GSTCD: variants seen among roughly 807,000 people sequenced by gnomAD.
The protein encoded by GSTCD is glutathione S-transferase C-terminal domain-containing protein.
Under a neutral mutation model 68.3 loss-of-function variants are expected in GSTCD, and 44 were observed. The ratio of observed to expected loss-of-function variants is 0.64; its 90% confidence interval spans 0.51 to 0.83. GSTCD has a LOEUF of 0.83. Among genes scored for constraint, GSTCD ranks in the 40% least tolerant of loss-of-function variants. The probability of loss-of-function intolerance (pLI) is 0.00; values close to 1 mark genes in which losing one functional copy is unlikely to be tolerated. For synonymous variants in GSTCD, 273 were observed against 255.2 expected, an observed-to-expected ratio of 1.07 and a Z score of -0.67; for missense variants, 739 against 735.9, an observed-to-expected ratio of 1.00 and a Z score of -0.05.
chr4:105,763,331 T>C (rs1260329992), intron 5 of GSTCD, among the ~76,000 whole-genome samples: 1 of 152,230 alleles, frequency 6.6e-6, no homozygotes, highest in Non-Finnish European at 1.5e-5. Flanking sequence ...CCTTTATATA[T>C]GTCTGTCTTT....
At chr4:105,722,768 T>A (rs1254034600) in intron 3 of GSTCD, among the ~76,000 whole-genome samples, 1 of 151,872 alleles carries the variant, frequency 6.6e-6, no homozygotes, top group African/African-American at 2.4e-5. Flanking sequence ...TAAAAATAGA[T>A]CATCTTTTTT....
chr4:105,834,484 G>A lies in GSTCD; in HGVS notation c.1554G>A (p.Val518=), dbSNP rs373693953. 108 of 1,614,064 alleles carry A rather than the reference G, an allele frequency of 6.7e-5. No individual in the cohort carries two copies. Among genetic ancestry groups the A allele is most frequent in the Middle Eastern group, 1.6e-4 (1 of 6,062 alleles). The change falls in exon 9 of 12, where the codon GTG becomes GTA. Residue 518 remains valine (V), a synonymous_variant. Coordinates refer to ENST00000515279, the MANE Select transcript of GSTCD (RefSeq NM_001370181.1). ...NIGVALHACG[V]ATDMVIEHCI... is the part of the protein sequence containing the mutation. ...AGGTAGCATTGCATGCTTGTGGAGT[G>A]GCAACAGACATGGTGATTGAGCACT...
At chr4:105,808,520 A>C (rs1722618939) in intron 5 of GSTCD, among the ~76,000 whole-genome samples, 1 of 152,116 alleles carries the variant, frequency 6.6e-6, no homozygotes, top group Non-Finnish European at 1.5e-5. Context: ...TTCCTATTTA[A>C]GTCAAATAAT....
chr4:105,823,324 T>C (rs375174328), intron 7 of GSTCD, 49 bp downstream of exon 7: 1 of 1,579,602 alleles, frequency 6.3e-7, no homozygotes, highest in African/African-American at 1.3e-5. Flanking sequence ...ATTATACAGT[T>C]CAGCTAGCCA....
Position 105,790,418 on chromosome 4 carries a change from C to T in GSTCD, c.1241-32536C>T, listed in dbSNP as rs933098778. Among the ~76,000 whole-genome samples, 16 of 152,084 alleles carry T rather than the reference C, an allele frequency of 1.1e-4. No homozygotes were observed. The South Asian group carries it at 2.7e-3, about 26-fold the overall frequency. ...TTATGCCTGTATTCCCAGGGAGGATCGCTTGAGGCCAGGAGTTCAAGACCA... is the reference window on the plus strand; with the variant it reads ...TTATGCCTGTATTCCCAGGGAGGATTGCTTGAGGCCAGGAGTTCAAGACCA... On this transcript the variant is annotated intron_variant, in intron 5 of 11. Transcript: ENST00000515279.
chr4:105,764,371 G>A (rs115309563), intron 5 of GSTCD, among the ~76,000 whole-genome samples: 1,985 of 152,194 alleles, frequency 0.013, 39 homozygotes, highest in African/African-American at 0.043. Context: ...GAATTTGTTC[G>A]TTTATGAGTG....
At chr4:105,718,309 G>A (rs182694146) in intron 2 of GSTCD, among the ~76,000 whole-genome samples, 18 of 152,248 alleles carry the variant, frequency 1.2e-4, no homozygotes, top group African/African-American at 3.6e-4. Context: ...AAATGGCTTG[G>A]TGCTCTCACT....
intron 1 of GSTCD, among the ~76,000 whole-genome samples, chr4:105,709,760 A>G (rs767239041): frequency 1.3e-5 from 2 of 152,118 alleles, no homozygotes. Context: ...GTGCTACATT[A>G]TTGATAAAGA....
At chr4:105,813,356 T>A (rs1722830071) in intron 5 of GSTCD, among the ~76,000 whole-genome samples, 1 of 152,206 alleles carries the variant, frequency 6.6e-6, no homozygotes, top group African/African-American at 2.4e-5. Context: ...TGGAACTTTT[T>A]GAGTGCAGAC....
chr4:105,786,490 G>C (rs1735471795), intron 5 of GSTCD, among the ~76,000 whole-genome samples: 1 of 150,794 alleles, frequency 6.6e-6, no homozygotes, highest in Admixed American at 6.6e-5. Flanking sequence ...ACTCTGCCCT[G>C]GGCAACAGAG....
rs768294293 is a variant in GSTCD, at chr4:105,717,800, C to T, written c.187C>T (p.Leu63=). 10 of 1,613,928 alleles carry T rather than the reference C, an allele frequency of 6.2e-6. No individual in the cohort carries two copies. The highest frequency in any genetic ancestry group is 6.8e-6 in the Non-Finnish European group (8 of 1,179,866). ...AGAGGTGAGTAGAGATAGTTCACTA[C>T]TAAGAGATGACCTGATCCAGGATGT... ...TKEVSRDSSL[L]RDDLIQDVEI... is the part of the protein sequence containing the mutation. Residue 63 remains leucine, a synonymous_variant, in exon 2 of 12, where the codon CTA becomes TTA. Transcript: ENST00000515279.
rs969796285 is a variant in GSTCD, at chr4:105,749,267, G to A, written c.1240+19768G>A. On this transcript the variant is annotated intron_variant, in intron 5 of 11. Transcript: ENST00000515279. ...TTTAAAAGGTTTTTAAAAATTTCAC[G>A]TGAAGTAACACATAAAATAATTTAA... Among the ~76,000 whole-genome samples the A allele has an allele frequency of 5.3e-5, 8 of 151,694 alleles. No homozygotes were observed. The East Asian group carries it at 9.7e-4, about 18-fold the overall frequency.
chr4:105,752,488 C>T (rs1734040583), intron 5 of GSTCD, among the ~76,000 whole-genome samples: 1 of 151,870 alleles, frequency 6.6e-6, no homozygotes, highest in African/African-American at 2.4e-5. Flanking sequence ...AAACAAAATG[C>T]AATTATTTGA....
chr4:105,825,649 A>G (rs766464556), intron 7 of GSTCD, 23 bp from the exon 8 acceptor site: 31 of 1,325,380 alleles, frequency 2.3e-5, no homozygotes, highest in South Asian at 1.4e-4. Context: ...TAAATATACT[A>G]TTGTTTTCTG....
intron 3 of GSTCD, among the ~76,000 whole-genome samples, chr4:105,725,512 T>C (rs1015616486): frequency 8.5e-5 from 13 of 152,130 alleles, no homozygotes; most frequent in African/African-American, 2.9e-4. Context: ...TTGTCAGTGT[T>C]TTGGGTTTTT....
Position 105,787,775 on chromosome 4 carries a change from C to G in GSTCD, c.1241-35179C>G, listed in dbSNP as rs1280728071. On this transcript the variant is annotated intron_variant, in intron 5 of 11. Coordinates refer to ENST00000515279, the MANE Select transcript of GSTCD (RefSeq NM_001370181.1). Reference sequence around the variant, plus strand: ...AATAGAAATGTTTGAAAGCTTTTTTCCCCCCTTGGGAGCTAGATTTATACT... The same window carrying G: ...AATAGAAATGTTTGAAAGCTTTTTTGCCCCCTTGGGAGCTAGATTTATACT... Among the ~76,000 whole-genome samples the G allele has an allele frequency of 3.3e-5, 5 of 151,984 alleles. No individual in the cohort carries two copies. The East Asian group carries it at 9.6e-4, about 29-fold the overall frequency.
At chr4:105,845,335 C>A in intron 11 of GSTCD, 106 bp from the exon 12 acceptor site, 1 of 1,167,908 alleles carries the variant, frequency 8.6e-7, no homozygotes, top group Non-Finnish European at 1.2e-6. Context: ...ACAAAGCATG[C>A]TCCATAGTAC....
rs761574598 is a variant in GSTCD, at chr4:105,710,232, A to ATTTTTTTTTTT, written c.-22+1229_-22+1239dup. 4.0e-4 allele frequency among the ~76,000 whole-genome samples: 34 copies of ATTTTTTTTTTT among 85,686 alleles called. 3 individuals are homozygous for ATTTTTTTTTTT. Among genetic ancestry groups the ATTTTTTTTTTT allele is most frequent in the African/African-American group, 1.1e-3 (19 of 17,844 alleles). 56.2% of individuals were successfully genotyped at this position (85,686 alleles called of 152,430 possible). On this transcript the variant is annotated intron_variant, in intron 1 of 11. Transcript: ENST00000515279. ...AGCTTCTGTAGTAGTGGGCCCATCA[A>ATTTTTTTTTTT]TTTTTTTTTTTTTTTTTTTTTTTGA...
At chr4:105,721,517 CA>C (rs1183427042) in intron 3 of GSTCD, among the ~76,000 whole-genome samples, 3 of 152,064 alleles carry the variant, frequency 2.0e-5, no homozygotes, top group African/African-American at 7.2e-5. Flanking sequence ...AAGTAAGAGT[CA>C]ATTTTGCTAA....
Sources: gnomAD v4.1 joint callset for allele counts (sites outside exome capture counted in the v4.1 genomes callset) on GRCh38, gnomAD v4.1.1 for gene constraint, MANE v1.5 for transcripts, NCBI Gene and HGNC (gene_info 2026-07-23, HGNC 2026-07-21) for gene names.